The following MAP1LC3B variants were observed in gnomAD, a reference collection of about 807,000 sequenced individuals.
MAP1LC3B encodes microtubule associated protein 1 light chain 3 beta.
In MAP1LC3B, 12 loss-of-function variants were observed where a neutral mutation model predicts 16.7. That is an observed-to-expected ratio of 0.72 (90% CI 0.46 to 1.16). The LOEUF (loss-of-function observed/expected upper bound fraction) is 1.16. MAP1LC3B is among the 50% of genes most tolerant of loss of function. The probability of loss-of-function intolerance (pLI) is 0.00; values close to 1 mark genes in which losing one functional copy is unlikely to be tolerated. For synonymous variants in MAP1LC3B, 63 were observed against 56.5 expected (o/e 1.11, Z -0.51); for missense variants, 155 against 159.5 (o/e 0.97, Z 0.15).
chr16:87,393,524 T>A (rs984138665), intron 1 of MAP1LC3B, among the ~76,000 whole-genome samples: 29 of 152,190 alleles, frequency 1.9e-4, no homozygotes, highest in African/African-American at 7.0e-4. Flanking sequence ...TCATTGACCA[T>A]TATTTTTTTT....
chr16:87,402,192 C>A lies in MAP1LC3B; in HGVS notation c.114C>A (p.Tyr38Ter). Residue 38 changes from tyrosine (Y) to a stop codon, truncating the protein, a stop_gained, in exon 3 of 4, where the codon TAC (tyrosine) becomes TAA (stop). Coordinates refer to ENST00000268607, the MANE Select transcript of MAP1LC3B (RefSeq NM_022818.5). LOFTEE classifies it high-confidence loss of function. ...PTKIPVIIER[Y>*]KGEKQLPVLD... ...TTTTCCAGGTGATAATAGAACGATA[C>A]AAGGGTGAGAAGCAGCTTCCTGTTC... 1.2e-6 allele frequency: 2 copies of A among 1,614,044 alleles called. No individual in the cohort carries two copies. The highest frequency in any genetic ancestry group is 1.7e-6 in the Non-Finnish European group (2 of 1,179,982).
rs1319483994 is a variant in MAP1LC3B, at chr16:87,404,530, T to A, written c.*1433T>A. 1 of 152,174 alleles carries A rather than the reference T, an allele frequency of 6.6e-6. No homozygotes were observed. The highest frequency in any genetic ancestry group is 1.5e-5 in the Non-Finnish European group (1 of 68,062). 9.4% of individuals were successfully genotyped at this position (152,174 alleles called of 1,614,324 possible). On this transcript the variant is annotated 3_prime_UTR_variant, in exon 4 of 4. Transcript: ENST00000268607. Reference sequence around the variant, plus strand: ...CTGTCCACTTGGCTAACTTTTAATATGTGTATTTTTACATTATGTATATTC... The same window carrying A: ...CTGTCCACTTGGCTAACTTTTAATAAGTGTATTTTTACATTATGTATATTC...
At position 87,404,236 on chromosome 16, in the gene MAP1LC3B, TAA is replaced by T. The variant is rs1159830941; in HGVS notation, c.*1142_*1143del. 1 of 152,216 alleles carries T rather than the reference TAA, an allele frequency of 6.6e-6. No individual in the cohort carries two copies. The highest frequency in any genetic ancestry group is 1.5e-5 in the Non-Finnish European group (1 of 68,042). 9.4% of individuals were successfully genotyped at this position (152,216 alleles called of 1,614,324 possible). On this transcript the variant is annotated 3_prime_UTR_variant, in exon 4 of 4. Transcript: ENST00000268607. ...AAACCTCCTCAGGTTCAACCTGTGA[TAA>T]AAGACTAGTGCTTCCCAGTACTTGC...
chr16:87,393,404 A>C (rs888831788), intron 1 of MAP1LC3B: 3 of 152,248 alleles, frequency 2.0e-5, no homozygotes, highest in African/African-American at 7.2e-5. Context: ...GCCTGCCGCC[A>C]TCCTCGTCAG....
At chr16:87,395,851 CCT>C (rs1907779822) in intron 1 of MAP1LC3B, among the ~76,000 whole-genome samples, 4 of 100,144 alleles carry the variant, frequency 4.0e-5, no homozygotes, top group African/African-American at 1.4e-4. Flanking sequence ...TTCCTTCTTT[CCT>C]TTTTTTTTTT....
Position 87,392,484 on chromosome 16 carries a change from G to C in MAP1LC3B, c.40+17G>C. On this transcript the variant is annotated intron_variant, in intron 1 of 3. Coordinates refer to ENST00000268607, the MANE Select transcript of MAP1LC3B (RefSeq NM_022818.5). ...GCACCTTCGGTGAGTGTCGCCGCGA[G>C]GGCGGCGGGTGCGGCGGGGCCGGGG... 3 of 1,309,112 alleles carry C rather than the reference G, an allele frequency of 2.3e-6. No individual in the cohort carries two copies. Among genetic ancestry groups the C allele is most frequent in the Non-Finnish European group, 2.9e-6 (3 of 1,033,542 alleles). The allele number at this position is 1,309,112 out of a possible 1,614,324, so 81.1% of individuals were successfully genotyped here.
intron 2 of MAP1LC3B, chr16:87,400,427 C>T (rs1907952001): frequency 6.6e-6 from 1 of 151,982 alleles, no homozygotes; most frequent in Non-Finnish European, 1.5e-5. Flanking sequence ...GATCTGCCTG[C>T]CTTGGCCTCC....
At chr16:87,401,346 C>A (rs1390962401) in intron 2 of MAP1LC3B, among the ~76,000 whole-genome samples, 1 of 152,150 alleles carries the variant, frequency 6.6e-6, no homozygotes, top group African/African-American at 2.4e-5. Context: ...CCCCCACTTC[C>A]TACCTGACGG....
intron 1 of MAP1LC3B, among the ~76,000 whole-genome samples, chr16:87,396,010 G>A (rs1907788564): frequency 1.3e-5 from 2 of 151,402 alleles, no homozygotes; most frequent in African/African-American, 4.8e-5. Flanking sequence ...ACGGGTGCCC[G>A]CCATCACGCC....
At chr16:87,395,801 A>T (rs1907776824) in intron 1 of MAP1LC3B, among the ~76,000 whole-genome samples, 1 of 150,798 alleles carries the variant, frequency 6.6e-6, no homozygotes, top group Admixed American at 6.6e-5. Flanking sequence ...AACTTTAAAC[A>T]CTATAGTTTC....
intron 2 of MAP1LC3B, chr16:87,399,208 A>G (rs950279688): frequency 8.6e-5 from 25 of 291,404 alleles, no homozygotes; most frequent in South Asian, 6.2e-4. Flanking sequence ...GGGTCTTGCT[A>G]TGTTTAACAA....
At chr16:87,397,999 G>A (rs1907864900) in intron 1 of MAP1LC3B, among the ~76,000 whole-genome samples, 1 of 151,476 alleles carries the variant, frequency 6.6e-6, no homozygotes, top group Admixed American at 6.6e-5. Flanking sequence ...TTATCAATAA[G>A]TGATTCTATT....
intron 1 of MAP1LC3B, among the ~76,000 whole-genome samples, chr16:87,396,332 G>A (rs999390194): frequency 1.3e-5 from 2 of 151,874 alleles, no homozygotes; most frequent in Admixed American, 6.5e-5. Context: ...AAAATTAGCC[G>A]GGCGTGGTGG....
intron 1 of MAP1LC3B, 31 bp from the exon 2 acceptor site, chr16:87,398,784 G>A (rs2150711660): frequency 1.2e-6 from 2 of 1,610,220 alleles, no homozygotes; most frequent in East Asian, 4.5e-5. Flanking sequence ...CTGGCCCTTA[G>A]TAATGCTTCT....
At chr16:87,402,755 A>G (rs558635060) in intron 3 of MAP1LC3B, 168 bp from the exon 4 acceptor site, 1 of 793,818 alleles carries the variant, frequency 1.3e-6, no homozygotes, top group East Asian at 2.7e-5. Flanking sequence ...ATTATAGCTC[A>G]TGTCAATATA....
chr16:87,395,834 C>CTGTT (rs1245023302), intron 1 of MAP1LC3B, among the ~76,000 whole-genome samples: 1 of 146,110 alleles, frequency 6.8e-6, no homozygotes, highest in Non-Finnish European at 1.5e-5. Flanking sequence ...TTCATAGAGC[C>CTGTT]TGTTTTTTCC....
chr16:87,402,534 G>C (rs953373059), intron 3 of MAP1LC3B: 2 of 557,824 alleles, frequency 3.6e-6, no homozygotes, highest in African/African-American at 3.8e-5. Flanking sequence ...GATGTTTCCT[G>C]TTTAAAATCA....
intron 1 of MAP1LC3B, 110 bp downstream of exon 1, chr16:87,392,577 C>A: frequency 9.5e-7 from 1 of 1,057,136 alleles, no homozygotes; most frequent in Non-Finnish European, 1.2e-6. Flanking sequence ...GGAGGCCGAG[C>A]GGGGCCGGTG....
At chr16:87,399,258 C>T (rs1907905177) in intron 2 of MAP1LC3B, 1 of 260,284 alleles carries the variant, frequency 3.8e-6, no homozygotes, top group African/African-American at 2.3e-5. Flanking sequence ...AATGATCCTC[C>T]ACCTTGACCT....
Sources: gnomAD v4.1 joint callset for allele counts (sites outside exome capture counted in the v4.1 genomes callset) on GRCh38, gnomAD v4.1.1 for gene constraint, MANE v1.5 for transcripts, NCBI Gene and HGNC (gene_info 2026-07-23, HGNC 2026-07-21) for gene names.